Variants in AKR1C2 observed in about 807,000 individuals in gnomAD.
The protein encoded by AKR1C2 is aldo-keto reductase family 1 member C2.
Under a neutral mutation model 39.8 loss-of-function variants are expected in AKR1C2, and 27 were observed. That is an observed-to-expected ratio of 0.68 (90% CI 0.50 to 0.93). The LOEUF (loss-of-function observed/expected upper bound fraction) is 0.93, where lower values mean the gene tolerates loss of function less well. AKR1C2 is among the 40% of genes least tolerant of loss of function. The pLI is 0.00. For synonymous variants in AKR1C2, 114 were observed against 137.9 expected (o/e 0.83, Z 1.22); for missense variants, 263 against 365.1 (o/e 0.72, Z 2.28).
intron 8 of AKR1C2, among the ~76,000 whole-genome samples, chr10:4,991,571 G>T (rs1836846610): frequency 6.6e-6 from 1 of 152,060 alleles, no homozygotes; most frequent in Admixed American, 6.5e-5. Context: ...TGCAGATTCA[G>T]CAATGATCTT....
intron 1 of AKR1C2, among the ~76,000 whole-genome samples, chr10:5,011,039 CA>C (rs35486838): frequency 0.2 from 27,858 of 140,404 alleles, 2,630 homozygotes; most frequent in East Asian, 0.31. Flanking sequence ...TTCTGTAAAG[CA>C]AAAAAAAAAA....
At chr10:4,999,980 G>A (rs1837203864) in intron 3 of AKR1C2, 1 of 1,010,886 alleles carries the variant, frequency 9.9e-7, no homozygotes, top group Non-Finnish European at 1.2e-6. Context: ...TAACTAGCCT[G>A]ACTAGTTTTC....
upstream of AKR1C2, among the ~76,000 whole-genome samples, chr10:5,008,143 T>G (rs1393910717): frequency 4.0e-5 from 6 of 151,582 alleles, no homozygotes; most frequent in Admixed American, 6.6e-5. Flanking sequence ...TCTGGAATTT[T>G]GAGGGGTAAG....
intron 3 of AKR1C2, chr10:4,999,618 T>C (rs1554773626): frequency 9.7e-6 from 2 of 207,210 alleles, no homozygotes; most frequent in African/African-American, 4.8e-5. Context: ...TATCCAGATA[T>C]AATGGATTGT....
At chr10:4,998,394 ACCT>A (rs1554773381) in intron 5 of AKR1C2, among the ~76,000 whole-genome samples, 1 of 152,088 alleles carries the variant, frequency 6.6e-6, no homozygotes, top group East Asian at 1.9e-4. Context: ...GATCGAATTG[ACCT>A]CCTATAAATG....
intron 1 of AKR1C2, among the ~76,000 whole-genome samples, chr10:5,011,976 G>A (rs1554774961): frequency 1.3e-5 from 2 of 152,128 alleles, no homozygotes; most frequent in African/African-American, 4.8e-5. Flanking sequence ...GAAACTTTCA[G>A]TTGTTGAGAA....
At chr10:5,005,165 C>A (rs1837372817), upstream of AKR1C2, among the ~76,000 whole-genome samples, 1 of 151,994 alleles carries the variant, frequency 6.6e-6, no homozygotes, top group African/African-American at 2.4e-5. Flanking sequence ...TAATAGTAAG[C>A]AATTCAAAAG....
At chr10:5,008,043 G>A (rs1219614980), upstream of AKR1C2, among the ~76,000 whole-genome samples, 3 of 151,550 alleles carry the variant, frequency 2.0e-5, no homozygotes, top group African/African-American at 7.3e-5. Context: ...GCTTTGCAGG[G>A]TGCAGCCCAC....
rs1160402247 is a variant in AKR1C2 at position 4,988,760 on chromosome 10, T to G, written c.*1236A>C. The G allele has an allele frequency of 6.6e-6, 1 of 150,708 alleles. No individual in the cohort carries two copies. The highest frequency in any genetic ancestry group is 1.9e-4 in the East Asian group (1 of 5,186). 9.3% of individuals were successfully genotyped at this position (150,708 alleles called of 1,614,324 possible). On this transcript the variant is annotated 3_prime_UTR_variant, in exon 9 of 9. Transcript: ENST00000380753. Reference sequence around the variant, plus strand: ...GTCCTTCTCATAATGCTTTGATCATTAAGACATGAGATTATCCCAAGTTTT... The same window carrying G: ...GTCCTTCTCATAATGCTTTGATCATGAAGACATGAGATTATCCCAAGTTTT...
Position 4,996,257 on chromosome 10 carries a change from C to A in AKR1C2, c.571-392G>T, listed in dbSNP as rs536506322. 2.7e-3 allele frequency: 534 copies of A among 201,444 alleles called. 6 individuals are homozygous for A. The highest frequency in any genetic ancestry group is 9.0e-3 in the Middle Eastern group (4 of 446). 12.5% of individuals were successfully genotyped at this position (201,444 alleles called of 1,614,324 possible). A position where few individuals can be genotyped will look rare whatever the true frequency, so the allele number is the denominator to read the frequency against. On this transcript the variant is annotated intron_variant, in intron 5 of 8. Transcript: ENST00000380753. ...AAAGAACTAGTTTCCTAATTAATAC[C>A]AAAAATGCATACATATATATGTATG...
chr10:5,010,360 T>G (rs1403567331), intron 1 of AKR1C2: 1 of 151,968 alleles, frequency 6.6e-6, no homozygotes, highest in African/African-American at 2.4e-5. Context: ...GTTAGCACCA[T>G]GTGAAGAAGT....
intron 1 of AKR1C2, 22 bp from the exon 2 acceptor site, chr10:5,001,703 A>G (rs758814472): frequency 1.2e-5 from 19 of 1,612,996 alleles, no homozygotes; most frequent in Non-Finnish European, 1.5e-5. Context: ...ACCAAACGTA[A>G]TATTTTCTGA....
In AKR1C2 at chr10:4,993,823, T is replaced by C. The variant is rs547382387; in HGVS notation, c.846+1496A>G. The stretch of plus-strand genomic sequence containing the variant: ...TATAACACATATGTCATATATCATA[T>C]ATATCTATATATACTAGATGAATTA... On this transcript the variant is annotated intron_variant, in intron 7 of 8. Coordinates refer to ENST00000380753, the MANE Select transcript of AKR1C2 (RefSeq NM_001393392.1). 8.9e-4 allele frequency among the ~76,000 whole-genome samples: 135 copies of C among 151,614 alleles called. 1 individual carries two copies. The highest frequency in any genetic ancestry group is 1.2e-3 in the Non-Finnish European group (84 of 67,812).
chr10:5,001,518 G>A lies in AKR1C2; in HGVS notation c.248C>T (p.Ser83Leu). 1 of 1,613,410 alleles carries A rather than the reference G, an allele frequency of 6.2e-7. No homozygotes were observed. Among genetic ancestry groups the A allele is most frequent in the Non-Finnish European group, 8.5e-7 (1 of 1,179,696 alleles). ...SVKREDIFYT[S>L]KLWSNSHRPE... ...AGCTCATCATAGGCACAGTACCTTT[G>A]AAGTGTAGAATATGTCTTCTCTCTT... Residue 83 changes from serine (S) to leucine (L), a missense_variant, in exon 2 of 9, where the codon TCA (serine) becomes TTA (leucine). Physicochemically the swap from Ser to Leu is moderately radical, Grantham distance 145. Transcript: ENST00000380753.
chr10:4,998,583 G>C (rs371840336), intron 5 of AKR1C2, 42 bp downstream of exon 5: 30 of 1,610,288 alleles, frequency 1.9e-5, no homozygotes, highest in Non-Finnish European at 2.4e-5. Flanking sequence ...ACAGAAAGAG[G>C]GGCATGAAGA....
intron 7 of AKR1C2, among the ~76,000 whole-genome samples, chr10:4,993,261 G>A (rs2131675248): frequency 6.6e-6 from 1 of 152,244 alleles, no homozygotes. Context: ...TACTGGAAGT[G>A]AAACTTACTT....
In AKR1C2 at chr10:5,001,680, AC is replaced by A; in HGVS notation, c.85del (p.Val29PhefsTer7). The A allele has an allele frequency of 6.2e-7, 1 of 1,613,666 alleles. No homozygotes were observed. The highest frequency in any genetic ancestry group is 8.5e-7 in the Non-Finnish European group (1 of 1,179,708). On this transcript the variant is annotated frameshift_variant and splice_region_variant, in exon 2 of 9. Transcript: ENST00000380753. LOFTEE classifies it high-confidence loss of function. ...GGCCTCTAGAGCTTTACTTTTAGGA[AC>A]CTGGGGGAGCAACCAAACGTAATAT... ...LGFGTYAPAEVPKSKALEAVK... is the reference protein window; with the variant it reads ...LGFGTYAPAEXPKSKALEAVK...
chr10:5,016,746 C>T (rs1356147954), intron 1 of AKR1C2, among the ~76,000 whole-genome samples: 9 of 152,194 alleles, frequency 5.9e-5, no homozygotes, highest in African/African-American at 2.2e-4. Flanking sequence ...CCCCACATTC[C>T]CCCTCCACAC....
chr10:5,016,532 C>G (rs572952730), intron 1 of AKR1C2, among the ~76,000 whole-genome samples: 1 of 152,250 alleles, frequency 6.6e-6, no homozygotes, highest in Non-Finnish European at 1.5e-5. Flanking sequence ...CTCCCAGGGT[C>G]TTGGGCAGCT....
Sources: gnomAD v4.1 joint callset for allele counts (sites outside exome capture counted in the v4.1 genomes callset) on GRCh38, gnomAD v4.1.1 for gene constraint, MANE v1.5 for transcripts, NCBI Gene and HGNC (gene_info 2026-07-23, HGNC 2026-07-21) for gene names.